SLC35D4: variants seen among roughly 807,000 people sequenced by gnomAD.
The protein encoded by SLC35D4 is solute carrier family 35 member D4, also known as UDP-N-acetylglucosamine transporter SLC35D4.
the SLC35D4 span, among the ~76,000 whole-genome samples, chr18:23,414,355 C>A: frequency 2.7e-5 from 4 of 149,504 alleles, no homozygotes; most frequent in Admixed American, 6.7e-5. Flanking sequence ...GGCAGGCAGG[C>A]AGGAAGGGGA....
the SLC35D4 span, among the ~76,000 whole-genome samples, chr18:23,283,490 A>AAAG: frequency 4.1e-4 from 62 of 149,498 alleles, no homozygotes; most frequent in African/African-American, 1.5e-3. Flanking sequence ...AAAAAAAAAA[A>AAAG]AAAGAAAGAA....
chr18:23,367,825 T>C, the SLC35D4 span, among the ~76,000 whole-genome samples: 4 of 151,802 alleles, frequency 2.6e-5, no homozygotes, highest in Admixed American at 6.6e-5. Context: ...GATTCAGTCA[T>C]AACTCACTGT....
At chr18:23,257,144 G>A in the SLC35D4 span, 2 of 1,487,368 alleles carry the variant, frequency 1.3e-6, no homozygotes, top group Non-Finnish European at 1.8e-6. Context: ...CTCACTGGCT[G>A]GTGGATAGAG....
chr18:23,271,000 A>C, the SLC35D4 span, among the ~76,000 whole-genome samples: 1 of 152,200 alleles, frequency 6.6e-6, no homozygotes, highest in Non-Finnish European at 1.5e-5. Flanking sequence ...CCGGGGTGGA[A>C]TAATATGGTT....
chr18:23,422,820 C>T, the SLC35D4 span, among the ~76,000 whole-genome samples: 2 of 152,156 alleles, frequency 1.3e-5, no homozygotes, highest in African/African-American at 2.4e-5. Flanking sequence ...CCCCTCCCCC[C>T]CCCAATGCAG....
the SLC35D4 span, among the ~76,000 whole-genome samples, chr18:23,331,913 T>TCTTG: frequency 2.4e-5 from 3 of 126,632 alleles, no homozygotes; most frequent in East Asian, 6.9e-4. Context: ...TGAGATAGAG[T>TCTTG]CTTGCTCTGT....
At chr18:23,242,036 A>G in the SLC35D4 span, among the ~76,000 whole-genome samples, 5 of 152,170 alleles carry the variant, frequency 3.3e-5, no homozygotes, top group East Asian at 9.7e-4. Context: ...TGCACTTTGG[A>G]AGGCCGAGGC....
chr18:23,356,675 A>T, the SLC35D4 span: 1 of 1,613,748 alleles, frequency 6.2e-7, no homozygotes, highest in Non-Finnish European at 8.5e-7. The surrounding 1 kb of genome is among the most constrained non-coding windows in gnomAD (Gnocchi z 4.1). Flanking sequence ...TGAGGGGAAC[A>T]GCAATGGTGA....
the SLC35D4 span, among the ~76,000 whole-genome samples, chr18:23,413,319 T>C: frequency 6.6e-6 from 1 of 152,240 alleles, no homozygotes; most frequent in African/African-American, 2.4e-5. Flanking sequence ...ATGGAAATCT[T>C]GTCATCTTCA....
At chr18:23,254,366 C>G in the SLC35D4 span, among the ~76,000 whole-genome samples, 4 of 152,196 alleles carry the variant, frequency 2.6e-5, no homozygotes, top group Non-Finnish European at 5.9e-5. Context: ...GGTGGTATCT[C>G]TTTTCTTTAA....
At chr18:23,359,948 CTG>C in the SLC35D4 span, among the ~76,000 whole-genome samples, 1 of 152,234 alleles carries the variant, frequency 6.6e-6, no homozygotes, top group Admixed American at 6.5e-5. Context: ...GGAGCAAACT[CTG>C]TGGTGGGGCC....
the SLC35D4 span, among the ~76,000 whole-genome samples, chr18:23,363,988 T>C: frequency 8.5e-5 from 13 of 152,160 alleles, no homozygotes; most frequent in African/African-American, 2.9e-4. Context: ...CGGAGTGTAA[T>C]AAGAAAATGC....
At chr18:23,303,566 G>A in the SLC35D4 span, among the ~76,000 whole-genome samples, 1 of 152,218 alleles carries the variant, frequency 6.6e-6, no homozygotes, top group African/African-American at 2.4e-5. Flanking sequence ...TGTACAAAAT[G>A]TGGTCAATGC....
At chr18:23,382,751 T>C in the SLC35D4 span, among the ~76,000 whole-genome samples, 20 of 152,312 alleles carry the variant, frequency 1.3e-4, no homozygotes, top group African/African-American at 4.6e-4. Context: ...TGCACAGAGA[T>C]CAGCCCAAGT....
chr18:23,429,467 A>G, the SLC35D4 span, among the ~76,000 whole-genome samples: 4 of 152,036 alleles, frequency 2.6e-5, no homozygotes, highest in East Asian at 7.7e-4. Flanking sequence ...TCCGCCTCCC[A>G]GGTTCAAGCC....
At chr18:23,287,319 T>C in the SLC35D4 span, among the ~76,000 whole-genome samples, 4 of 152,198 alleles carry the variant, frequency 2.6e-5, no homozygotes, top group African/African-American at 9.7e-5. Context: ...TTCTTTACTA[T>C]TCCTTTGCAC....
At chr18:23,346,518 T>C in the SLC35D4 span, among the ~76,000 whole-genome samples, 4 of 143,960 alleles carry the variant, frequency 2.8e-5, no homozygotes, top group African/African-American at 1.0e-4. Flanking sequence ...ATCTGGATGC[T>C]TTTTTTTTTT....
the SLC35D4 span, chr18:23,309,643 C>T: frequency 1.9e-6 from 3 of 1,592,754 alleles, no homozygotes; most frequent in Non-Finnish European, 2.6e-6. Flanking sequence ...AACTCAGTAA[C>T]TAATTGGCAC....
the SLC35D4 span, among the ~76,000 whole-genome samples, chr18:23,280,236 G>T: frequency 6.6e-6 from 1 of 152,250 alleles, no homozygotes; most frequent in South Asian, 2.1e-4. Flanking sequence ...GCACAGGTGG[G>T]GACCAAGCCC....
Sources: gnomAD v4.1 joint callset for allele counts (sites outside exome capture counted in the v4.1 genomes callset) on GRCh38, gnomAD v4.1.1 for gene constraint, Gnocchi (gnomAD v3.1) non-coding constraint, MANE v1.5 for transcripts, NCBI Gene and HGNC (gene_info 2026-07-23, HGNC 2026-07-21) for gene names.